Variants in PLXNA2 observed in about 807,000 individuals in gnomAD.
PLXNA2 encodes plexin A2.
In PLXNA2, 91 loss-of-function variants were observed where a neutral mutation model predicts 193.5. The ratio of observed to expected loss-of-function variants is 0.47; its 90% confidence interval spans 0.40 to 0.56. The LOEUF (loss-of-function observed/expected upper bound fraction) is 0.56, where lower values mean the gene tolerates loss of function less well. PLXNA2 is among the 20% of genes least tolerant of loss of function. The pLI is 0.00. For synonymous variants in PLXNA2, 997 were observed against 1,027.3 expected (o/e 0.97, Z 0.56); for missense variants, 1,995 against 2,503.2 (o/e 0.80, Z 4.33).
chr1:208,215,233 C>A (rs1375632540), intron 2 of PLXNA2, among the ~76,000 whole-genome samples: 1 of 152,144 alleles, frequency 6.6e-6, no homozygotes, highest in Non-Finnish European at 1.5e-5. Context: ...TGAGCTCAAG[C>A]AATCTGCCTA....
chr1:208,067,912 G>T (rs1665849171), intron 12 of PLXNA2, among the ~76,000 whole-genome samples: 1 of 152,080 alleles, frequency 6.6e-6, no homozygotes, highest in Non-Finnish European at 1.5e-5. Context: ...GCTGTTCCCT[G>T]TGCTGGTCAA....
chr1:208,220,167 G>A (rs923243581), intron 1 of PLXNA2, among the ~76,000 whole-genome samples: 3 of 152,086 alleles, frequency 2.0e-5, no homozygotes, highest in East Asian at 1.9e-4. Flanking sequence ...CTTAGTATGC[G>A]GTTAAGATCA....
At chr1:208,191,813 A>T (rs1450164096) in intron 3 of PLXNA2, among the ~76,000 whole-genome samples, 2 of 152,106 alleles carry the variant, frequency 1.3e-5, no homozygotes, top group Non-Finnish European at 2.9e-5. Flanking sequence ...TTCCTAGAGG[A>T]GGTGGTGTAT....
rs374366698 is a variant in PLXNA2 at position 208,167,888 on chromosome 1, G to A, written c.1372-25425C>T. On this transcript the variant is annotated intron_variant, in intron 3 of 31. Transcript: ENST00000367033. ...GCACCTGCATGCTGACCCCCCATTT[G>A]CCACTCCTCACCCCACCCAACACAA... 1.1e-3 allele frequency among the ~76,000 whole-genome samples: 165 copies of A among 152,246 alleles called. 6 individuals carry two copies. The South Asian group carries it at 0.033, about 30-fold the overall frequency.
rs1370287177 is a variant in PLXNA2, at chr1:208,022,983, A to G, written c.*4260T>C. The stretch of plus-strand genomic sequence containing the variant: ...AAGAGTGAAACTTTATCCCTCATTC[A>G]TGGGGATCACTGAGCTCCAGATACT... On this transcript the variant is annotated 3_prime_UTR_variant, in exon 32 of 32. Coordinates refer to ENST00000367033, the MANE Select transcript of PLXNA2 (RefSeq NM_025179.4). 6.6e-6 allele frequency: 1 copy of G among 152,172 alleles called. No homozygotes were observed. The highest frequency in any genetic ancestry group is 1.5e-5 in the Non-Finnish European group (1 of 68,036). The allele number at this position is 152,172 out of a possible 1,614,324, so 9.4% of individuals were successfully genotyped here. A position where few individuals can be genotyped will look rare whatever the true frequency, so the allele number is the denominator to read the frequency against.
chr1:208,153,060 A>G (rs1039568887), intron 3 of PLXNA2, among the ~76,000 whole-genome samples: 12 of 152,118 alleles, frequency 7.9e-5, no homozygotes, highest in Admixed American at 2.6e-4. Flanking sequence ...ACAGCTTCGT[A>G]TGCCTTACTA....
At position 208,028,478 on chromosome 1, in the gene PLXNA2, G is replaced by A. The variant is rs1050103665; in HGVS notation, c.5439-319C>T. Among the ~76,000 whole-genome samples the A allele has an allele frequency of 6.6e-6, 1 of 152,180 alleles. No homozygotes were observed. The highest frequency in any genetic ancestry group is 1.5e-5 in the Non-Finnish European group (1 of 68,038). On this transcript the variant is annotated intron_variant, in intron 30 of 31. Coordinates refer to ENST00000367033, the MANE Select transcript of PLXNA2 (RefSeq NM_025179.4). This position sits in a 1 kb window ranked among gnomAD's most constrained non-coding sequence, Gnocchi z 4.2. Reference sequence around the variant, plus strand: ...CTGCTAGCTGTGTGACGCAGGGCAAGTTATTTACCCTCTCTGTACCTCAGT... The same window carrying A: ...CTGCTAGCTGTGTGACGCAGGGCAAATTATTTACCCTCTCTGTACCTCAGT...
rs1666446539 is a variant in PLXNA2 at position 208,084,493 on chromosome 1, G to A, written c.2185C>T (p.Gln729Ter). Residue 729 changes from glutamine to a stop codon, truncating the protein, a stop_gained, in exon 10 of 32, where the codon CAG becomes TAG. Transcript: ENST00000367033. LOFTEE classifies it high-confidence loss of function. ...PITLKARNLP[Q>*]PQSGQRGYEC... ...TAGCCTCGCTGGCCGGACTGCGGCT[G>A]GGGCAGATTTCGCGCCTTAAGGGTG... is the stretch of plus-strand genomic sequence containing the variant. 1.9e-6 allele frequency: 3 copies of A among 1,614,124 alleles called. No homozygotes were observed. Among genetic ancestry groups the A allele is most frequent in the African/African-American group, 1.3e-5 (1 of 74,942 alleles).
At chr1:208,035,754 A>T (rs1455731545) in intron 26 of PLXNA2, among the ~76,000 whole-genome samples, 3 of 152,218 alleles carry the variant, frequency 2.0e-5, no homozygotes, top group Non-Finnish European at 4.4e-5. Context: ...TGCACCAGTC[A>T]TAAAACCATC....
chr1:208,077,942 G>T (rs917051052), intron 12 of PLXNA2, among the ~76,000 whole-genome samples: 2 of 152,152 alleles, frequency 1.3e-5, no homozygotes, highest in African/African-American at 4.8e-5. Context: ...GGGATATGGT[G>T]TCTTGTGGAT....
At chr1:208,059,950 C>G (rs1665563408) in intron 13 of PLXNA2, among the ~76,000 whole-genome samples, 1 of 152,196 alleles carries the variant, frequency 6.6e-6, no homozygotes, top group Non-Finnish European at 1.5e-5. Flanking sequence ...CTTGCTCATG[C>G]TCCCAGTACC....
chr1:208,136,413 C>T (rs1571955940), intron 4 of PLXNA2, among the ~76,000 whole-genome samples: 1 of 152,170 alleles, frequency 6.6e-6, no homozygotes, highest in South Asian at 2.1e-4. Context: ...GTGGCAGACC[C>T]ATCTTTCACA....
At chr1:208,069,001 T>C (rs1665889413) in intron 12 of PLXNA2, among the ~76,000 whole-genome samples, 1 of 152,214 alleles carries the variant, frequency 6.6e-6, no homozygotes, top group Non-Finnish European at 1.5e-5. Flanking sequence ...GGAAACACTT[T>C]AGGGTAGAGA....
chr1:208,149,443 A>G (rs557221131), intron 3 of PLXNA2, among the ~76,000 whole-genome samples: 93 of 151,462 alleles, frequency 6.1e-4, no homozygotes, highest in African/African-American at 2.1e-3. Context: ...GTGTATGAGT[A>G]TGGTATGTGT....
intron 9 of PLXNA2, among the ~76,000 whole-genome samples, chr1:208,085,511 C>T (rs1316724564): frequency 2.6e-5 from 4 of 152,206 alleles, no homozygotes; most frequent in African/African-American, 9.7e-5. Context: ...GTGTTACTGG[C>T]ATTGATGCCA....
At position 208,052,454 on chromosome 1, in the gene PLXNA2, C is replaced by G. The variant is rs750388130; in HGVS notation, c.2866G>C (p.Val956Leu). The G allele has an allele frequency of 5.0e-6, 8 of 1,613,956 alleles. No individual in the cohort carries two copies. In the South Asian group the frequency reaches 8.8e-5, roughly 18 times the overall value. The change falls in exon 15 of 32, where the codon GTG (valine) becomes CTG (leucine). Residue 956 changes from valine (V) to leucine (L), a missense_variant. Physicochemically the swap from Val to Leu is conservative, Grantham distance 32. Around this residue, in one of 3 missense-constraint regions of PLXNA2, gnomAD observed 1,291 missense variants for 1,673.6 expected, o/e 0.77. Transcript: ENST00000367033. ...CCTCGGATTGGGTTGAGTGACAGCA[C>G]AGAAGGGTTCTTTGGAAAGAAGCAG... ...HQQYTFVNPSVLSLNPIRGPE... is the reference protein window; with the variant it reads ...HQQYTFVNPSLLSLNPIRGPE...
chr1:208,103,162 C>T lies in PLXNA2; in HGVS notation c.1592G>A (p.Cys531Tyr). The T allele has an allele frequency of 1.2e-6, 2 of 1,613,860 alleles. No individual in the cohort carries two copies. The highest frequency in any genetic ancestry group is 8.5e-7 in the Non-Finnish European group (1 of 1,179,770). ...CCAAACTTACATGTTGTGCAGGGCA[C>T]ACCAGCCACAGTGAGGGTCCCCAGA... The part of the protein sequence containing the change: ...LSSGDPHCGW[C>Y]ALHNMCSRRD... The change falls in exon 5 of 32, where the codon TGT becomes TAT. Residue 531 changes from cysteine (C) to tyrosine (Y), a missense_variant. Around this residue, in one of 3 missense-constraint regions of PLXNA2, gnomAD observed 702 missense variants for 812.9 expected, o/e 0.86. Coordinates refer to ENST00000367033, the MANE Select transcript of PLXNA2 (RefSeq NM_025179.4).
chr1:208,072,167 G>A (rs1665997597), intron 12 of PLXNA2, among the ~76,000 whole-genome samples: 1 of 152,234 alleles, frequency 6.6e-6, no homozygotes, highest in Non-Finnish European at 1.5e-5. Flanking sequence ...TACCTAAGAT[G>A]CGTAAGATAA....
chr1:208,206,891 G>A (rs1670746071), intron 3 of PLXNA2, among the ~76,000 whole-genome samples: 2 of 151,502 alleles, frequency 1.3e-5, no homozygotes, highest in African/African-American at 4.9e-5. Flanking sequence ...AGCCTCCTGA[G>A]TAGCTGGGAT....
Sources: allele counts gnomAD v4.1 joint callset (sites outside exome capture counted in the v4.1 genomes callset), GRCh38; gene constraint gnomAD v4.1.1; regional missense constraint gnomAD v4.1.1; non-coding constraint Gnocchi (gnomAD v3.1); transcripts MANE v1.5; gene names NCBI Gene and HGNC (gene_info 2026-07-23, HGNC 2026-07-21).